Variants in SLC44A3 observed in about 807,000 individuals in gnomAD.
SLC44A3 encodes choline transporter-like protein 3.
Under a neutral mutation model 75.4 loss-of-function variants are expected in SLC44A3, and 74 were observed. The observed-to-expected ratio is 0.98, with a 90% CI of 0.81 to 1.19. The LOEUF (loss-of-function observed/expected upper bound fraction) is 1.19, where lower values mean the gene tolerates loss of function less well. SLC44A3 is among the 50% of genes most tolerant of loss of function. SLC44A3 has a pLI of 0.00. For synonymous variants in SLC44A3, 310 were observed against 296.9 expected, an observed-to-expected ratio of 1.04 and a Z score of -0.45; for missense variants, 700 against 778.6, an observed-to-expected ratio of 0.90 and a Z score of 1.20.
intron 9 of SLC44A3, among the ~76,000 whole-genome samples, chr1:94,854,133 A>G (rs904316838): frequency 6.6e-6 from 1 of 152,176 alleles, no homozygotes; most frequent in African/African-American, 2.4e-5. Flanking sequence ...CGAGATCACC[A>G]AGGGTGTGAG....
chr1:94,889,450 G>A (rs887196416), intron 12 of SLC44A3: 4 of 151,364 alleles, frequency 2.6e-5, no homozygotes, highest in African/African-American at 9.7e-5. Context: ...AGACATAAAT[G>A]GTCTTGAAAT....
In SLC44A3 at chr1:94,824,529, G is replaced by A. The variant is rs188539443; in HGVS notation, c.172G>A (p.Ala58Thr). 38 of 1,610,186 alleles carry A rather than the reference G, an allele frequency of 2.4e-5. No individual in the cohort carries two copies. The highest frequency in any genetic ancestry group is 1.9e-4 in the Admixed American group (11 of 58,616). The change falls in exon 3 of 15, where the codon GCG becomes ACG. Residue 58 changes from alanine to threonine, a missense_variant. Physicochemically the swap from Ala to Thr is moderately conservative, Grantham distance 58. Coordinates refer to ENST00000271227, the MANE Select transcript of SLC44A3 (RefSeq NM_001114106.3). ...IMGYSVVAGA[A>T]GRLLFGYDSF... is the part of the protein sequence containing the mutation. ...GGGCTACTCGGTGGTGGCTGGAGCC[G>A]CGGGAAGACTCCTCTTTGGCTATGA...
intron 14 of SLC44A3, among the ~76,000 whole-genome samples, chr1:94,894,437 CAA>C (rs1433783989): frequency 1.3e-5 from 2 of 152,174 alleles, no homozygotes; most frequent in Non-Finnish European, 2.9e-5. Flanking sequence ...ATAGCAGAAA[CAA>C]AGACTAAATT....
intron 5 of SLC44A3, among the ~76,000 whole-genome samples, chr1:94,835,652 C>T (rs2101010390): frequency 6.6e-6 from 1 of 152,328 alleles, no homozygotes; most frequent in East Asian, 1.9e-4. Flanking sequence ...AATAATCTAA[C>T]CACTTTTCTC....
intron 14 of SLC44A3, among the ~76,000 whole-genome samples, chr1:94,893,924 A>G (rs1016755865): frequency 7.2e-5 from 11 of 151,850 alleles, no homozygotes; most frequent in Non-Finnish European, 1.6e-4. Context: ...GTGAAACCCT[A>G]TCTCTACTAA....
intron 2 of SLC44A3, among the ~76,000 whole-genome samples, chr1:94,821,323 A>G (rs576654501): frequency 1.2e-3 from 188 of 152,312 alleles, no homozygotes; most frequent in African/African-American, 4.4e-3. Context: ...AGTAAGGCCA[A>G]TGTGTCTCCT....
At position 94,826,423 on chromosome 1, in the gene SLC44A3, G is replaced by A. The variant is rs542594469; in HGVS notation, c.279-1084G>A. Reference sequence around the variant, plus strand: ...TCCCAACAGTTTGGAAGGCCAAGGCGGGCAGATCCACAGGGTCAGGAGTTC... The same window carrying A: ...TCCCAACAGTTTGGAAGGCCAAGGCAGGCAGATCCACAGGGTCAGGAGTTC... On this transcript the variant is annotated intron_variant, in intron 3 of 14. Coordinates refer to ENST00000271227, the MANE Select transcript of SLC44A3 (RefSeq NM_001114106.3). Among the ~76,000 whole-genome samples the A allele has an allele frequency of 2.3e-3, 350 of 152,268 alleles. 1 individual carries two copies. Among genetic ancestry groups the A allele is most frequent in the African/African-American group, 7.9e-3 (328 of 41,560 alleles).
chr1:94,861,008 G>A (rs577021994), intron 10 of SLC44A3, among the ~76,000 whole-genome samples: 1 of 152,106 alleles, frequency 6.6e-6, no homozygotes, highest in African/African-American at 2.4e-5. Context: ...GTTAAGAAAA[G>A]CATTACACGT....
intron 9 of SLC44A3, among the ~76,000 whole-genome samples, chr1:94,847,874 G>GTGC (rs1266589005): frequency 6.6e-6 from 1 of 152,180 alleles, no homozygotes; most frequent in African/African-American, 2.4e-5. Context: ...AATGGAGCCT[G>GTGC]TGCTCTTTCC....
At chr1:94,859,662 G>C (rs1320862074) in intron 10 of SLC44A3, among the ~76,000 whole-genome samples, 4 of 152,220 alleles carry the variant, frequency 2.6e-5, no homozygotes, top group Non-Finnish European at 1.5e-5. Flanking sequence ...TCCAGAGAGG[G>C]AAAGCAGAGA....
chr1:94,869,077 T>A (rs1363550871), intron 12 of SLC44A3, among the ~76,000 whole-genome samples: 2 of 152,230 alleles, frequency 1.3e-5, no homozygotes, highest in African/African-American at 4.8e-5. Flanking sequence ...TACTGAAGGT[T>A]TCATTTGAGG....
intron 9 of SLC44A3, among the ~76,000 whole-genome samples, chr1:94,853,920 A>T (rs766593457): frequency 2.7e-5 from 4 of 150,792 alleles, no homozygotes; most frequent in Non-Finnish European, 5.9e-5. Context: ...CCAGCATAAT[A>T]CCAGCATGGA....
chr1:94,868,370 G>T (rs1050908011), intron 12 of SLC44A3, among the ~76,000 whole-genome samples: 1 of 152,056 alleles, frequency 6.6e-6, no homozygotes, highest in African/African-American at 2.4e-5. Context: ...GTCTTTTAAG[G>T]GGTATTTAGA....
rs56383271 is a variant in SLC44A3 at position 94,840,283 on chromosome 1, C to CTTTTTTTT, written c.760+263_760+270dup. 2.0e-3 allele frequency among the ~76,000 whole-genome samples: 151 copies of CTTTTTTTT among 77,372 alleles called. 2 individuals carry two copies. Among genetic ancestry groups the CTTTTTTTT allele is most frequent in the Non-Finnish European group, 2.4e-3 (103 of 43,750 alleles). 50.8% of individuals were successfully genotyped at this position (77,372 alleles called of 152,430 possible). On this transcript the variant is annotated intron_variant, in intron 7 of 14. Coordinates refer to ENST00000271227, the MANE Select transcript of SLC44A3 (RefSeq NM_001114106.3). ...TTCTTTTCTTTTCTTTTTCTTTTTC[C>CTTTTTTTT]TTTTTTTTTTTTTTTTTTTTTTTTG...
intron 9 of SLC44A3, among the ~76,000 whole-genome samples, chr1:94,849,524 T>C (rs1220247888): frequency 6.6e-6 from 1 of 152,242 alleles, no homozygotes; most frequent in East Asian, 1.9e-4. Flanking sequence ...TGAATCACTT[T>C]TTGATCTTCA....
intron 12 of SLC44A3, among the ~76,000 whole-genome samples, chr1:94,872,596 A>G (rs1667885531): frequency 1.3e-5 from 2 of 152,166 alleles, no homozygotes; most frequent in Admixed American, 1.3e-4. Flanking sequence ...CAGGTATAGC[A>G]GCAGTTTGCC....
chr1:94,849,635 G>A (rs191947420), intron 9 of SLC44A3, among the ~76,000 whole-genome samples: 59 of 152,330 alleles, frequency 3.9e-4, no homozygotes, highest in Middle Eastern at 3.4e-3. Context: ...CACAGTGCCC[G>A]ATTGTCTCAT....
At chr1:94,824,768 T>C in intron 3 of SLC44A3, 133 bp downstream of exon 3, 1 of 1,085,806 alleles carries the variant, frequency 9.2e-7, no homozygotes, top group Non-Finnish European at 1.3e-6. Flanking sequence ...GAAGGCTGTG[T>C]ATATAGTACA....
chr1:94,862,987 G>A (rs578013955), intron 10 of SLC44A3, among the ~76,000 whole-genome samples: 1 of 152,302 alleles, frequency 6.6e-6, no homozygotes, highest in African/African-American at 2.4e-5. Flanking sequence ...CAGGGGAGAG[G>A]TGGTAGGATG....
Sources: gnomAD v4.1 joint callset for allele counts (sites outside exome capture counted in the v4.1 genomes callset) on GRCh38, gnomAD v4.1.1 for gene constraint, MANE v1.5 for transcripts, NCBI Gene and HGNC (gene_info 2026-07-23, HGNC 2026-07-21) for gene names.